DNAJB13: variants seen among roughly 807,000 people sequenced by gnomAD.
DNAJB13 encodes the protein dnaJ homolog subfamily B member 13.
DNAJB13 carries 22 observed loss-of-function variants against 35.6 expected under a neutral mutation model. That is an observed-to-expected ratio of 0.62 (90% confidence interval 0.44 to 0.88). DNAJB13 has a LOEUF of 0.88. Among genes scored for constraint, DNAJB13 ranks in the 40% least tolerant of loss-of-function variants. The probability of loss-of-function intolerance (pLI) is 0.00; values close to 1 mark genes in which losing one functional copy is unlikely to be tolerated. For synonymous variants in DNAJB13, 136 were observed against 144.2 expected, an observed-to-expected ratio of 0.94 and a Z score of 0.41; for missense variants, 370 against 384.3, an observed-to-expected ratio of 0.96 and a Z score of 0.31.
At position 73,951,616 on chromosome 11, in the gene DNAJB13, A is replaced by G. The variant is rs185620008; in HGVS notation, c.68+479A>G. Among the ~76,000 whole-genome samples, 22 of 152,276 alleles carry G rather than the reference A, an allele frequency of 1.4e-4. No homozygotes were observed. In the East Asian group the frequency reaches 4.1e-3, roughly 28 times the overall value. ...TGGCTCGTTCCTAAGAAAGCCTACA[A>G]CAGGAGTCAGTACATTTTTCTGAAA... On this transcript the variant is annotated intron_variant, in intron 1 of 7. Coordinates refer to ENST00000339764, the MANE Select transcript of DNAJB13 (RefSeq NM_153614.4).
At chr11:73,961,147 G>A (rs1591187985) in intron 3 of DNAJB13, among the ~76,000 whole-genome samples, 3 of 152,242 alleles carry the variant, frequency 2.0e-5, no homozygotes, top group South Asian at 4.1e-4. Context: ...AGGAATGGTG[G>A]TGTGTATCTG....
Position 73,969,167 on chromosome 11 carries a change from C to T in DNAJB13, c.721-79C>T, listed in dbSNP as rs561511879. ...GCCCAACTCACAGTCTGGCACTGGA[C>T]AGGTTCCTAAGGTGCCTTCTAAATA... On this transcript the variant is annotated intron_variant, in intron 6 of 7. Transcript: ENST00000339764. 6 of 696,960 alleles carry T rather than the reference C, an allele frequency of 8.6e-6. No homozygotes were observed. In the East Asian group the frequency reaches 1.7e-4, roughly 19 times the overall value. 43.2% of individuals were successfully genotyped at this position (696,960 alleles called of 1,614,324 possible). A position where few individuals can be genotyped will look rare whatever the true frequency, so the allele number is the denominator to read the frequency against.
intron 3 of DNAJB13, among the ~76,000 whole-genome samples, chr11:73,961,235 G>A (rs190897233): frequency 2.3e-3 from 354 of 152,248 alleles, no homozygotes; most frequent in Non-Finnish European, 3.4e-3. Flanking sequence ...AGCCAAGATC[G>A]GGCCACTGCA....
At position 73,968,346 on chromosome 11, in the gene DNAJB13, G is replaced by A. The variant is rs1474112470; in HGVS notation, c.608G>A (p.Gly203Asp). ...CACCTTTTGGCGTCCCCTGCCCAGGGCCCCAACATCATCCCAGCAGACATC... is the reference window on the plus strand; with the variant it reads ...CACCTTTTGGCGTCCCCTGCCCAGGACCCCAACATCATCCCAGCAGACATC... ...RITFEKEGDQ[G>D]PNIIPADIIF... The change falls in exon 6 of 8, where the codon GGC (glycine) becomes GAC (aspartate). Residue 203 changes from glycine to aspartate, a missense_variant and splice_region_variant. Physicochemically the swap from Gly to Asp is moderately conservative, Grantham distance 94 (BLOSUM62 -1). Transcript: ENST00000339764. 7 of 1,614,116 alleles carry A rather than the reference G, an allele frequency of 4.3e-6. 1 individual carries two copies. The Admixed American group carries it at 1.2e-4, about 27-fold the overall frequency.
chr11:73,967,128 C>T (rs1951139553), intron 5 of DNAJB13, among the ~76,000 whole-genome samples: 1 of 151,632 alleles, frequency 6.6e-6, no homozygotes, highest in African/African-American at 2.4e-5. Flanking sequence ...GCTGGGATTA[C>T]AGGCGTGAGC....
At chr11:73,965,065 C>T (rs1266493637) in intron 4 of DNAJB13, 30 bp downstream of exon 4, 1 of 1,532,078 alleles carries the variant, frequency 6.5e-7, no homozygotes, top group Non-Finnish European at 8.8e-7. Flanking sequence ...CTCCCGGGAG[C>T]CACCTATCTC....
chr11:73,968,276 A>G (rs752109524), intron 5 of DNAJB13, 69 bp from the exon 6 acceptor site: 46 of 1,304,592 alleles, frequency 3.5e-5, no homozygotes, highest in Non-Finnish European at 4.8e-5. Context: ...GGAGACAAGT[A>G]GAGGCAGGAA....
At chr11:73,956,522 G>C (rs1212650281) in intron 1 of DNAJB13, among the ~76,000 whole-genome samples, 3 of 152,200 alleles carry the variant, frequency 2.0e-5, no homozygotes, top group Non-Finnish European at 4.4e-5. Context: ...ATTTCAGAAG[G>C]CTGGGCGCTG....
chr11:73,958,442 C>T, intron 2 of DNAJB13, 22 bp downstream of exon 2: 3 of 1,602,908 alleles, frequency 1.9e-6, no homozygotes, highest in Non-Finnish European at 2.6e-6. Flanking sequence ...TGGGGCTGAG[C>T]ACCCCGCTTG....
At chr11:73,963,614 G>C (rs1950997684) in intron 3 of DNAJB13, 1 of 152,300 alleles carries the variant, frequency 6.6e-6, no homozygotes, top group African/African-American at 2.4e-5. Context: ...CTGGCTATTG[G>C]GGTGTTTACT....
At position 73,966,149 on chromosome 11, in the gene DNAJB13, G is replaced by T. The variant is rs1201079542; in HGVS notation, c.504G>T (p.Glu168Asp). Residue 168 changes from glutamate to aspartate, a missense_variant, in exon 5 of 8, where the codon GAG becomes GAT. Physicochemically the swap from Glu to Asp is conservative, Grantham distance 45. Transcript: ENST00000339764. ...KIKISRRVLN[E>D]DGYSSTIKDK... is the part of the protein sequence containing the mutation. Reference sequence around the variant, plus strand: ...ATATGTTGCTATAGGTGCTGAACGAGGATGGGTACTCCTCCACCATCAAGG... The same window carrying T: ...ATATGTTGCTATAGGTGCTGAACGATGATGGGTACTCCTCCACCATCAAGG... The T allele has an allele frequency of 1.9e-6, 3 of 1,613,162 alleles. No homozygotes were observed. The South Asian group carries it at 3.3e-5, about 18-fold the overall frequency.
chr11:73,954,299 C>G (rs11235959), intron 1 of DNAJB13, among the ~76,000 whole-genome samples: 1 of 150,528 alleles, frequency 6.6e-6, no homozygotes, highest in Non-Finnish European at 1.5e-5. Context: ...GCACTCCAGC[C>G]TGGGTGACAG....
chr11:73,956,462 TG>T (rs897306147), intron 1 of DNAJB13, among the ~76,000 whole-genome samples: 29 of 152,070 alleles, frequency 1.9e-4, no homozygotes, highest in Admixed American at 1.6e-3. Context: ...CTGGAGACAA[TG>T]GGGAAACCAG....
Position 73,968,444 on chromosome 11 carries a change from A to T in DNAJB13, c.706A>T (p.Ile236Phe), listed in dbSNP as rs1404894081. 1 of 1,613,662 alleles carries T rather than the reference A, an allele frequency of 6.2e-7. No individual in the cohort carries two copies. The highest frequency in any genetic ancestry group is 8.5e-7 in the Non-Finnish European group (1 of 1,179,816). ...TGACAACCTCTTCTTCGTGAACCCC[A>T]TCCCTCTTGGCAAGGTGAGTGGGCA... ...ENDNLFFVNP[I>F]PLGKALTCCT... The change falls in exon 6 of 8, where the codon ATC (isoleucine) becomes TTC (phenylalanine). Residue 236 changes from isoleucine to phenylalanine, a missense_variant. Transcript: ENST00000339764.
rs1424173465 is a variant in DNAJB13, at chr11:73,964,991, G to T, written c.448G>T (p.Asp150Tyr). The T allele has an allele frequency of 3.1e-6, 5 of 1,604,864 alleles. No homozygotes were observed. The highest frequency in any genetic ancestry group is 4.2e-6 in the Non-Finnish European group (5 of 1,176,912). The change falls in exon 4 of 8, where the codon GAC (aspartate) becomes TAC (tyrosine). Residue 150 changes from aspartate to tyrosine, a missense_variant. By Grantham distance (160) the Asp-to-Tyr change is radical. Transcript: ENST00000339764. ...ACGGGATCTCTACCTGTCCCTGGAG[G>T]ACTTATTCTTTGGCTGCACCAAAAA... Reference protein sequence around the residue: ...VERDLYLSLEDLFFGCTKKIK... With the variant: ...VERDLYLSLEYLFFGCTKKIK...
chr11:73,955,321 T>C (rs1004336536), intron 1 of DNAJB13, among the ~76,000 whole-genome samples: 7 of 151,128 alleles, frequency 4.6e-5, no homozygotes, highest in African/African-American at 1.2e-4. Flanking sequence ...TTTTTTTTTT[T>C]TTTTTGAAAC....
At chr11:73,964,520 C>G (rs971468422) in intron 3 of DNAJB13, 1 of 256,848 alleles carries the variant, frequency 3.9e-6, no homozygotes, top group Non-Finnish European at 7.1e-6. Context: ...GAGTGCCTCC[C>G]TTTCCTGAGA....
Position 73,960,778 on chromosome 11 carries a change from A to AT in DNAJB13, c.334+1133dup, listed in dbSNP as rs1014946621. 1.7e-3 allele frequency among the ~76,000 whole-genome samples: 260 copies of AT among 150,418 alleles called. 1 individual carries two copies. The highest frequency in any genetic ancestry group is 4.8e-3 in the African/African-American group (197 of 40,994). On this transcript the variant is annotated intron_variant, in intron 3 of 7. Transcript: ENST00000339764. ...AAATAGGGCCAAATTTTACACAATG[A>AT]TTTTTTTTTTCACTTAATATATCTT...
At chr11:73,968,957 C>T (rs1277607160) in intron 6 of DNAJB13, among the ~76,000 whole-genome samples, 1 of 152,238 alleles carries the variant, frequency 6.6e-6, no homozygotes. Context: ...GCTACCACTT[C>T]CTGCCCCACT....
Sources: gnomAD v4.1 joint callset for allele counts (sites outside exome capture counted in the v4.1 genomes callset) on GRCh38, gnomAD v4.1.1 for gene constraint, MANE v1.5 for transcripts, NCBI Gene and HGNC (gene_info 2026-07-23, HGNC 2026-07-21) for gene names.